HCRTR2: variants seen among roughly 807,000 people sequenced by gnomAD.
The protein encoded by HCRTR2 is hypocretin receptor 2.
Under a neutral mutation model 49.0 loss-of-function variants are expected in HCRTR2, and 22 were observed. The ratio of observed to expected loss-of-function variants is 0.45; its 90% confidence interval spans 0.32 to 0.64. The LOEUF is 0.64. Among genes scored for constraint, HCRTR2 ranks in the 30% least tolerant of loss-of-function variants. The probability of loss-of-function intolerance (pLI) is 0.04; values close to 1 mark genes in which losing one functional copy is unlikely to be tolerated. For missense variants in HCRTR2, 491 were observed against 559.4 expected (o/e 0.88, Z 1.23); for synonymous variants, 236 against 205.3 (o/e 1.15, Z -1.28).
chr6:55,202,784 A>C (rs1423139103), intron 1 of HCRTR2, among the ~76,000 whole-genome samples: 1 of 152,072 alleles, frequency 6.6e-6, no homozygotes, highest in Non-Finnish European at 1.5e-5. Flanking sequence ...GTTGGTAAAC[A>C]TTCAATCTAT....
At chr6:55,220,655 G>T (rs1338071784) in intron 1 of HCRTR2, among the ~76,000 whole-genome samples, 2 of 152,138 alleles carry the variant, frequency 1.3e-5, no homozygotes, top group Middle Eastern at 3.2e-3. Context: ...AACTAGGTAA[G>T]AATGTCCATT....
chr6:55,226,425 C>T (rs887802422), intron 1 of HCRTR2, among the ~76,000 whole-genome samples: 7 of 152,194 alleles, frequency 4.6e-5, no homozygotes, highest in African/African-American at 1.7e-4. Context: ...TCTCCTGCCT[C>T]ATCCTCCCCA....
intron 1 of HCRTR2, among the ~76,000 whole-genome samples, chr6:55,156,610 C>G (rs1269812678): frequency 6.6e-6 from 1 of 151,472 alleles, no homozygotes; most frequent in Non-Finnish European, 1.5e-5. Flanking sequence ...CACACACACA[C>G]CAGATCAATA....
intron 1 of HCRTR2, among the ~76,000 whole-genome samples, chr6:55,155,617 C>T (rs1764719882): frequency 6.6e-6 from 1 of 151,886 alleles, no homozygotes; most frequent in South Asian, 2.1e-4. Context: ...ATTCCCAAGG[C>T]CTAAGAGCTA....
intron 1 of HCRTR2, among the ~76,000 whole-genome samples, chr6:55,112,064 G>A (rs900228300): frequency 6.6e-6 from 1 of 151,986 alleles, no homozygotes; most frequent in Admixed American, 6.6e-5. Flanking sequence ...CTCAATAGAT[G>A]CAGAAAAAGC....
At chr6:55,152,892 C>T (rs1474495279) in intron 1 of HCRTR2, among the ~76,000 whole-genome samples, 1 of 151,876 alleles carries the variant, frequency 6.6e-6, no homozygotes, top group East Asian at 1.9e-4. Flanking sequence ...CTTTGTTGCA[C>T]AAAAAACCCC....
chr6:55,264,536 G>T (rs1361596682), intron 4 of HCRTR2, among the ~76,000 whole-genome samples: 1 of 152,018 alleles, frequency 6.6e-6, no homozygotes, highest in Non-Finnish European at 1.5e-5. Context: ...ATCATCAGAT[G>T]CAGGGCGAAA....
Position 55,107,790 on chromosome 6 carries a change from C to G in HCRTR2, c.-378+1245C>G, listed in dbSNP as rs541975027. Among the ~76,000 whole-genome samples the G allele has an allele frequency of 1.5e-4, 23 of 152,182 alleles. No individual in the cohort carries two copies. In the South Asian group the frequency reaches 4.6e-3, roughly 30 times the overall value. On this transcript the variant is annotated intron_variant, in intron 1 of 7. Transcript: ENST00000615358. ...CTAAATTTACTGCTGATTTTTACAA[C>G]CATCTACTCATTGTAATTAGATGAG...
chr6:55,175,228 G>A (rs558666109), intron 1 of HCRTR2, among the ~76,000 whole-genome samples: 8 of 152,216 alleles, frequency 5.3e-5, no homozygotes, highest in African/African-American at 1.9e-4. Context: ...AGAATACAAA[G>A]CTACATCCCT....
intron 1 of HCRTR2, among the ~76,000 whole-genome samples, chr6:55,124,926 A>G (rs1581784460): frequency 7.7e-6 from 1 of 130,468 alleles, no homozygotes; most frequent in African/African-American, 2.8e-5. Context: ...TAGGATACCA[A>G]CTCCTGCTTT....
chr6:55,126,801 C>T (rs924845759), intron 1 of HCRTR2, among the ~76,000 whole-genome samples: 3 of 151,962 alleles, frequency 2.0e-5, no homozygotes, highest in South Asian at 4.1e-4. Flanking sequence ...TGGCAGTTTG[C>T]AGCCTTGCTG....
In HCRTR2 at chr6:55,164,117, G is replaced by A. The variant is rs191929205; in HGVS notation, c.-377-10094G>A. Among the ~76,000 whole-genome samples the A allele has an allele frequency of 2.0e-5, 3 of 152,266 alleles. No homozygotes were observed. The East Asian group carries it at 5.8e-4, about 29-fold the overall frequency. ...TAGAATGGCGATCATTAAAAAGTCAGGAAACAACAGATGCTGGAGAGGATG... is the reference window on the plus strand; with the variant it reads ...TAGAATGGCGATCATTAAAAAGTCAAGAAACAACAGATGCTGGAGAGGATG... On this transcript the variant is annotated intron_variant, in intron 1 of 7. Transcript: ENST00000615358.
At position 55,248,650 on chromosome 6, in the gene HCRTR2, G is replaced by C; in HGVS notation, c.235G>C (p.Val79Leu). ...LIGNVLVCVA[V>L]WKNHHMRTVT... is the part of the protein sequence containing the mutation. ...TCTTTTCAAATTAGTTTGTGTGGCAGTGTGGAAGAACCACCACATGAGGAC... is the reference window on the plus strand; with the variant it reads ...TCTTTTCAAATTAGTTTGTGTGGCACTGTGGAAGAACCACCACATGAGGAC... Residue 79 changes from valine to leucine, a missense_variant, in exon 2 of 7, where the codon GTG (valine) becomes CTG (leucine). Physicochemically the swap from Val to Leu is conservative, Grantham distance 32. Transcript: ENST00000370862. 6.2e-7 allele frequency: 1 copy of C among 1,612,464 alleles called. No homozygotes were observed. The highest frequency in any genetic ancestry group is 8.5e-7 in the Non-Finnish European group (1 of 1,178,722).
At chr6:55,204,377 G>A (rs537243733) in intron 1 of HCRTR2, among the ~76,000 whole-genome samples, 110 of 152,210 alleles carry the variant, frequency 7.2e-4, no homozygotes, top group African/African-American at 2.6e-3. Flanking sequence ...CTCCCCATTT[G>A]ACCTTATTTC....
At chr6:55,258,020 T>C (rs547757108) in intron 3 of HCRTR2, among the ~76,000 whole-genome samples, 24 of 152,200 alleles carry the variant, frequency 1.6e-4, no homozygotes, top group Non-Finnish European at 2.9e-4. Flanking sequence ...ACATAGCATG[T>C]AAAATCATTG....
chr6:55,108,019 A>C (rs1341569846), intron 1 of HCRTR2, among the ~76,000 whole-genome samples: 1 of 152,128 alleles, frequency 6.6e-6, no homozygotes, highest in Non-Finnish European at 1.5e-5. Flanking sequence ...ATCAGAAAAG[A>C]AAAAAATTGA....
At chr6:55,173,792 C>A (rs1764986003), upstream of HCRTR2, among the ~76,000 whole-genome samples, 1 of 152,054 alleles carries the variant, frequency 6.6e-6, no homozygotes, top group Non-Finnish European at 1.5e-5. Flanking sequence ...CTAAATAGAC[C>A]CTTCAGTTTA....
chr6:55,139,677 C>T (rs1280321526), intron 1 of HCRTR2, among the ~76,000 whole-genome samples: 1 of 152,106 alleles, frequency 6.6e-6, no homozygotes, highest in Non-Finnish European at 1.5e-5. Context: ...CCATAAACTT[C>T]AAAGCATGAT....
intron 1 of HCRTR2, among the ~76,000 whole-genome samples, chr6:55,165,192 A>C (rs1184621254): frequency 6.6e-6 from 1 of 151,684 alleles, no homozygotes; most frequent in East Asian, 2.0e-4. Flanking sequence ...CAAAAGCATA[A>C]ATCTAAGAGT....
Sources: allele counts gnomAD v4.1 joint callset (sites outside exome capture counted in the v4.1 genomes callset), GRCh38; gene constraint gnomAD v4.1.1; transcripts MANE v1.5; gene names NCBI Gene and HGNC (gene_info 2026-07-23, HGNC 2026-07-21).